The following FNIP2 variants were observed in gnomAD, a reference collection of about 807,000 sequenced individuals.
FNIP2 encodes folliculin interacting protein 2.
Under a neutral mutation model 108.7 loss-of-function variants are expected in FNIP2, and 32 were observed. The ratio of observed to expected loss-of-function variants is 0.29; its 90% CI spans 0.22 to 0.40. FNIP2 has a LOEUF of 0.40. FNIP2 is among the 10% of genes least tolerant of loss of function. The probability of loss-of-function intolerance (pLI) is 1.00; values close to 1 mark genes in which losing one functional copy is unlikely to be tolerated. For synonymous variants in FNIP2, 480 were observed against 496.7 expected (o/e 0.97, Z 0.45); for missense variants, 1,202 against 1,381.6 (o/e 0.87, Z 2.06).
intron 1 of FNIP2, among the ~76,000 whole-genome samples, chr4:158,772,402 T>C (rs1166663390): frequency 6.6e-6 from 1 of 152,188 alleles, no homozygotes; most frequent in Non-Finnish European, 1.5e-5. Flanking sequence ...TTGTTGTTGT[T>C]TTTTTCTCCA....
chr4:158,874,376 ATTG>A (rs1193163210), intron 14 of FNIP2, among the ~76,000 whole-genome samples: 2 of 151,526 alleles, frequency 1.3e-5, no homozygotes, highest in African/African-American at 4.8e-5. Context: ...TGCCAGGCAC[ATTG>A]TTAAGTGCCC....
intron 10 of FNIP2, among the ~76,000 whole-genome samples, 165 bp downstream of exon 10, chr4:158,859,831 A>T (rs1443398186): frequency 1.3e-5 from 2 of 152,180 alleles, no homozygotes; most frequent in Non-Finnish European, 2.9e-5. Flanking sequence ...AAATTTAAAT[A>T]ATTTACCGCT....
chr4:158,891,130 T>A (rs1434623899), intron 14 of FNIP2, among the ~76,000 whole-genome samples: 1 of 152,204 alleles, frequency 6.6e-6, no homozygotes, highest in Non-Finnish European at 1.5e-5. Context: ...TAGAAGAATG[T>A]GCATATGTGC....
chr4:158,801,790 A>G (rs986537570), intron 1 of FNIP2, among the ~76,000 whole-genome samples: 2 of 152,200 alleles, frequency 1.3e-5, no homozygotes, highest in South Asian at 4.1e-4. Flanking sequence ...ATGAGTTTAG[A>G]TGGCATTAAG....
At chr4:158,858,042 T>C (rs6854038) in intron 8 of FNIP2, among the ~76,000 whole-genome samples, 65,451 of 152,086 alleles carry the variant, frequency 0.43, 14,675 homozygotes, top group African/African-American at 0.53. Flanking sequence ...TTTGAAATCA[T>C]ACAAGCTATG....
intron 1 of FNIP2, among the ~76,000 whole-genome samples, chr4:158,773,375 G>A (rs192258710): frequency 1.3e-5 from 2 of 152,246 alleles, no homozygotes; most frequent in East Asian, 3.9e-4. Flanking sequence ...AAGAGCACTT[G>A]GAACACAGAT....
intron 1 of FNIP2, among the ~76,000 whole-genome samples, chr4:158,769,951 T>G (rs771327236): frequency 2.0e-5 from 3 of 152,254 alleles, no homozygotes; most frequent in Non-Finnish European, 2.9e-5. Flanking sequence ...TTAATAGATT[T>G]GATCTCTCGA....
At chr4:158,784,762 C>G (rs537509584) in intron 1 of FNIP2, among the ~76,000 whole-genome samples, 247 of 152,284 alleles carry the variant, frequency 1.6e-3, no homozygotes, top group African/African-American at 5.5e-3. Context: ...ACTCGCCCAC[C>G]ACTCATCTCC....
intron 14 of FNIP2, among the ~76,000 whole-genome samples, chr4:158,874,367 G>A (rs1262224695): frequency 6.6e-6 from 1 of 151,812 alleles, no homozygotes; most frequent in Non-Finnish European, 1.5e-5. Flanking sequence ...TTAGCACTTT[G>A]CCAGGCACAT....
Position 158,868,249 on chromosome 4 carries a change from G to C in FNIP2, c.1613G>C (p.Ser538Thr), listed in dbSNP as rs1486914558. Reference protein sequence around the residue: ...SELQENQLTWSGNHGEGDQVL... With the variant: ...SELQENQLTWTGNHGEGDQVL... ...CTACAAGAGAACCAGCTGACCTGGA[G>C]TGGCAATCATGGTGAAGGTGACCAA... The change falls in exon 13 of 17, where the codon AGT becomes ACT. Residue 538 changes from serine (S) to threonine (T), a missense_variant. Ser to Thr is a moderately conservative substitution (Grantham distance 58, BLOSUM62 1). Coordinates refer to ENST00000264433, the MANE Select transcript of FNIP2 (RefSeq NM_020840.3). The surrounding 1 kb of genome is among the most constrained non-coding windows in gnomAD (Gnocchi z 4.6). 1 of 1,613,978 alleles carries C rather than the reference G, an allele frequency of 6.2e-7. No homozygotes were observed. The highest frequency in any genetic ancestry group is 8.5e-7 in the Non-Finnish European group (1 of 1,179,918).
intron 7 of FNIP2, among the ~76,000 whole-genome samples, chr4:158,843,710 T>C (rs35422904): frequency 0.29 from 44,213 of 151,988 alleles, 7,159 homozygotes; most frequent in Non-Finnish European, 0.38. Flanking sequence ...CAAAGATGTA[T>C]CGTGGGGATG....
chr4:158,833,860 C>T (rs1445393999), intron 6 of FNIP2: 10 of 1,471,240 alleles, frequency 6.8e-6, no homozygotes, highest in East Asian at 5.5e-5. Flanking sequence ...AGGACCTCTC[C>T]GGCTCACCCG....
intron 14 of FNIP2, among the ~76,000 whole-genome samples, chr4:158,875,923 T>G (rs566797620): frequency 2.6e-5 from 4 of 152,332 alleles, no homozygotes; most frequent in African/African-American, 9.6e-5. Context: ...TTTAATGATA[T>G]AGAACTAAAA....
At chr4:158,798,498 A>G (rs1316093601) in intron 1 of FNIP2, among the ~76,000 whole-genome samples, 1 of 152,030 alleles carries the variant, frequency 6.6e-6, no homozygotes, top group African/African-American at 2.4e-5. Flanking sequence ...AGCACTCACC[A>G]TTTGTTTTGG....
At chr4:158,888,933 T>C (rs1024814776) in intron 14 of FNIP2, among the ~76,000 whole-genome samples, 5 of 150,972 alleles carry the variant, frequency 3.3e-5, no homozygotes, top group African/African-American at 1.2e-4. Context: ...CTCACACCTA[T>C]AATCCCAGTT....
In FNIP2 at chr4:158,769,179, C is replaced by T. The variant is rs781463067; in HGVS notation, c.-34C>T. 1 of 1,205,156 alleles carries T rather than the reference C, an allele frequency of 8.3e-7. No homozygotes were observed. The highest frequency in any genetic ancestry group is 1.1e-6 in the Non-Finnish European group (1 of 943,902). The allele number at this position is 1,205,156 out of a possible 1,614,324, so 74.7% of individuals were successfully genotyped here. The stretch of plus-strand genomic sequence containing the variant: ...GCTGCGCGCTGAGCCGCCGGCCCCC[C>T]GAGCGCCACGGCCGGAGCTGCGGCG... On this transcript the variant is annotated 5_prime_UTR_variant, in exon 1 of 17. It introduces an in-frame stop codon into an upstream open reading frame of the 5' UTR. Transcript: ENST00000264433.
chr4:158,881,035 A>C (rs1263740969), intron 14 of FNIP2, among the ~76,000 whole-genome samples: 2 of 152,206 alleles, frequency 1.3e-5, no homozygotes, highest in Non-Finnish European at 2.9e-5. Flanking sequence ...GCTGTAACAT[A>C]AGGAGAATTA....
intron 1 of FNIP2, among the ~76,000 whole-genome samples, chr4:158,825,451 C>G (rs1389386067): frequency 1.3e-5 from 2 of 152,108 alleles, no homozygotes; most frequent in African/African-American, 4.8e-5. Context: ...TTAATTTGAC[C>G]TGAGTGTGGG....
intron 1 of FNIP2, among the ~76,000 whole-genome samples, chr4:158,800,996 A>G (rs567576376): frequency 4.9e-4 from 75 of 152,320 alleles, no homozygotes; most frequent in African/African-American, 1.8e-3. Flanking sequence ...CTGAATTTCC[A>G]TGTAACTTTG....
Sources: allele counts gnomAD v4.1 joint callset (sites outside exome capture counted in the v4.1 genomes callset), GRCh38; gene constraint gnomAD v4.1.1; non-coding constraint Gnocchi (gnomAD v3.1); transcripts MANE v1.5; gene names NCBI Gene and HGNC (gene_info 2026-07-23, HGNC 2026-07-21).